The following LSM3 variants were observed in gnomAD, a reference collection of about 807,000 sequenced individuals.
LSM3 encodes the protein U6 snRNA-associated Sm-like protein LSm3.
LSM3 carries 14 observed loss-of-function variants against 15.4 expected under a neutral mutation model. The observed-to-expected ratio is 0.91, with a 90% confidence interval of 0.60 to 1.42. LSM3 has a LOEUF of 1.42. Ranked by LOEUF, LSM3 falls within the 40% of genes most tolerant of loss-of-function variation. LSM3 has a pLI of 0.00. For missense variants in LSM3, 88 were observed against 127.9 expected, an observed-to-expected ratio of 0.69 and a Z score of 1.50; for synonymous variants, 46 against 45.1, an observed-to-expected ratio of 1.02 and a Z score of -0.08.
chr3:14,180,027 G>T (rs1574986220), intron 1 of LSM3, among the ~76,000 whole-genome samples: 2 of 152,360 alleles, frequency 1.3e-5, no homozygotes, highest in East Asian at 1.9e-4. Context: ...ATAGGGACCA[G>T]TTGAGTTAGG....
At chr3:14,191,876 G>T (rs1697143176) in intron 3 of LSM3, among the ~76,000 whole-genome samples, 1 of 152,020 alleles carries the variant, frequency 6.6e-6, no homozygotes, top group South Asian at 2.1e-4. Context: ...TGATGTTAGG[G>T]TGTCAATTTT....
chr3:14,196,499 G>A, intron 3 of LSM3, among the ~76,000 whole-genome samples: 1 of 152,170 alleles, frequency 6.6e-6, no homozygotes, highest in East Asian at 1.9e-4. Context: ...GATAAACACA[G>A]CAGGGACAGG....
rs371358532 is a variant in LSM3 at position 14,184,138 on chromosome 3, T to A, written c.228+106T>A. ...CCTGTCATGTTTTGACACCTACTTA[T>A]GGACTCAGTAGAGCATAGCAATTAA... On this transcript the variant is annotated intron_variant, in intron 3 of 3. Coordinates refer to ENST00000306024, the MANE Select transcript of LSM3 (RefSeq NM_014463.3). 15 of 1,383,654 alleles carry A rather than the reference T, an allele frequency of 1.1e-5. No homozygotes were observed. In the East Asian group the frequency reaches 3.9e-4, roughly 36 times the overall value. The allele number at this position is 1,383,654 out of a possible 1,614,324, so 85.7% of individuals were successfully genotyped here. A position where few individuals can be genotyped will look rare whatever the true frequency, so the allele number is the denominator to read the frequency against.
At chr3:14,187,928 T>C (rs1697103910) in intron 3 of LSM3, among the ~76,000 whole-genome samples, 1 of 152,254 alleles carries the variant, frequency 6.6e-6, no homozygotes, top group Non-Finnish European at 1.5e-5. Flanking sequence ...CTTTTTCGGC[T>C]GTCCATCATG....
intron 3 of LSM3, among the ~76,000 whole-genome samples, chr3:14,187,609 G>A (rs1697100826): frequency 2.6e-5 from 4 of 152,128 alleles, no homozygotes; most frequent in Admixed American, 2.0e-4. Context: ...TCCAAGATGG[G>A]AAACCAGACT....
intron 3 of LSM3, among the ~76,000 whole-genome samples, chr3:14,187,101 T>C (rs936197983): frequency 6.6e-6 from 1 of 152,210 alleles, no homozygotes; most frequent in African/African-American, 2.4e-5. Flanking sequence ...ACTTACTCCA[T>C]GTTTGCAGTG....
At chr3:14,181,745 C>T (rs1456923618) in intron 2 of LSM3, 75 bp downstream of exon 2, 18 of 1,068,368 alleles carry the variant, frequency 1.7e-5, no homozygotes, top group Non-Finnish European at 2.3e-5. Context: ...AAAACCTGTC[C>T]AGAGTGAAAG....
At position 14,198,653 on chromosome 3, in the gene LSM3, G is replaced by A. The variant is rs112778675; in HGVS notation, c.*537G>A. The A allele has an allele frequency of 0.013, 2,023 of 153,346 alleles. 28 individuals carry two copies. Among genetic ancestry groups the A allele is most frequent in the Middle Eastern group, 0.041 (12 of 294 alleles). The allele number at this position is 153,346 out of a possible 1,614,324, so 9.5% of individuals were successfully genotyped here. On this transcript the variant is annotated 3_prime_UTR_variant, in exon 4 of 4. Coordinates refer to ENST00000306024, the MANE Select transcript of LSM3 (RefSeq NM_014463.3). ...GTGGGTGGATCACCTGAGGTCAGGC[G>A]TTTGAGACCAGCCTGGCCAACATGG...
rs139707840 is a variant in LSM3 at position 14,190,823 on chromosome 3, A to G, written c.228+6791A>G. ...TGCCCTGGCCAGAATTTCCAATACT[A>G]TGTTGAATAGGAGTGGTGAGAGGGC... On this transcript the variant is annotated intron_variant, in intron 3 of 3. Transcript: ENST00000306024. Among the ~76,000 whole-genome samples the G allele has an allele frequency of 7.0e-3, 1,070 of 152,230 alleles. 14 individuals carry two copies. The highest frequency in any genetic ancestry group is 0.024 in the African/African-American group (1,011 of 41,532).
At chr3:14,195,180 A>G (rs1442040087) in intron 3 of LSM3, among the ~76,000 whole-genome samples, 1 of 152,122 alleles carries the variant, frequency 6.6e-6, no homozygotes. Context: ...TCGTCATTTC[A>G]CATCCAGCCA....
At chr3:14,187,637 G>C (rs1444329404) in intron 3 of LSM3, among the ~76,000 whole-genome samples, 3 of 152,100 alleles carry the variant, frequency 2.0e-5, no homozygotes, top group African/African-American at 7.2e-5. Flanking sequence ...TTCTTACCTT[G>C]GCCCATTTTA....
At chr3:14,183,903 T>C in intron 2 of LSM3, 34 bp from the exon 3 acceptor site, 1 of 1,491,180 alleles carries the variant, frequency 6.7e-7, no homozygotes, top group Non-Finnish European at 9.1e-7. Context: ...AATTTGATTA[T>C]TAAATTTCTT....
intron 2 of LSM3, among the ~76,000 whole-genome samples, chr3:14,182,953 G>A (rs1288953413): frequency 6.6e-6 from 1 of 152,164 alleles, no homozygotes; most frequent in Non-Finnish European, 1.5e-5. Context: ...AAGGAAATAG[G>A]GACCCAGGGA....
Position 14,198,274 on chromosome 3 carries a change from C to G in LSM3, c.*158C>G, listed in dbSNP as rs1189621592. 2 of 596,954 alleles carry G rather than the reference C, an allele frequency of 3.4e-6. No homozygotes were observed. Among genetic ancestry groups the G allele is most frequent in the African/African-American group, 3.7e-5 (2 of 53,782 alleles). The allele number at this position is 596,954 out of a possible 1,614,324, so 37.0% of individuals were successfully genotyped here. A position where few individuals can be genotyped will look rare whatever the true frequency, so the allele number is the denominator to read the frequency against. On this transcript the variant is annotated 3_prime_UTR_variant, in exon 4 of 4. Transcript: ENST00000306024. The stretch of plus-strand genomic sequence containing the variant: ...GAAATGAGTTGATTTGCAGATAACT[C>G]ACAACTTCTTAAGCTAAATGGTATT...
In LSM3 at chr3:14,184,039, C is replaced by A; in HGVS notation, c.228+7C>A. The A allele has an allele frequency of 2.5e-6, 4 of 1,600,480 alleles. No individual in the cohort carries two copies. In the South Asian group the frequency reaches 4.5e-5, roughly 18 times the overall value. On this transcript the variant is annotated splice_region_variant and intron_variant, in intron 3 of 3. Transcript: ENST00000306024. ...ATATGAAGAGATATATAAAGTAAGT[C>A]ATGCAATTCTATTCATTGCTTTGCA...
intron 3 of LSM3, among the ~76,000 whole-genome samples, chr3:14,184,767 A>C (rs1470135096): frequency 6.6e-6 from 1 of 151,896 alleles, no homozygotes; most frequent in Non-Finnish European, 1.5e-5. Context: ...AAAAAAAAAA[A>C]AAACCTGGCC....
chr3:14,185,122 G>A (rs905980498), intron 3 of LSM3, among the ~76,000 whole-genome samples: 9 of 149,052 alleles, frequency 6.0e-5, no homozygotes, highest in Admixed American at 4.0e-4. Context: ...AGGCCAAAGC[G>A]GGTGGATCAC....
In LSM3 at chr3:14,195,988, T is replaced by G. The variant is rs192290421; in HGVS notation, c.229-2048T>G. On this transcript the variant is annotated intron_variant, in intron 3 of 3. Transcript: ENST00000306024. ...TTTTCTTTGAGACGGAGTCTCACTC[T>G]GTCACCCAGGCTGGAGTGCAGTGGC... 2.9e-3 allele frequency among the ~76,000 whole-genome samples: 442 copies of G among 150,698 alleles called. 3 individuals are homozygous for G. The highest frequency in any genetic ancestry group is 5.2e-3 in the Non-Finnish European group (351 of 67,820).
chr3:14,178,916 T>C (rs1696971621), intron 1 of LSM3, 35 bp downstream of exon 1: 1 of 1,612,942 alleles, frequency 6.2e-7, no homozygotes. Flanking sequence ...TCGAAGGAGC[T>C]TCTTGTACTA....
Sources: allele counts gnomAD v4.1 joint callset (sites outside exome capture counted in the v4.1 genomes callset), GRCh38; gene constraint gnomAD v4.1.1; transcripts MANE v1.5; gene names NCBI Gene and HGNC (gene_info 2026-07-23, HGNC 2026-07-21).